RBM33: variants seen among roughly 807,000 people sequenced by gnomAD.
RBM33 encodes the protein RNA-binding protein 33.
A neutral mutation model predicts 132.6 loss-of-function variants in RBM33; 28 were observed. The ratio of observed to expected loss-of-function variants is 0.21; its 90% CI spans 0.16 to 0.29. The LOEUF (loss-of-function observed/expected upper bound fraction) is 0.29. RBM33 is among the 10% of genes least tolerant of loss of function. RBM33 has a pLI of 1.00. For synonymous variants in RBM33, 634 were observed against 593.0 expected, an observed-to-expected ratio of 1.07 and a Z score of -1.01; for missense variants, 1,291 against 1,518.5, an observed-to-expected ratio of 0.85 and a Z score of 2.49.
intron 16 of RBM33, among the ~76,000 whole-genome samples, chr7:155,773,504 G>T (rs949375522): frequency 6.9e-6 from 1 of 144,176 alleles, no homozygotes; most frequent in African/African-American, 2.6e-5. Flanking sequence ...GGAGGTGGAG[G>T]TTGCAGTGAG....
chr7:155,740,607 G>A (rs947709267), intron 12 of RBM33, among the ~76,000 whole-genome samples: 1 of 152,248 alleles, frequency 6.6e-6, no homozygotes, highest in Non-Finnish European at 1.5e-5. Flanking sequence ...ATCAGCAAAT[G>A]TGTGACTTGT....
intron 13 of RBM33, among the ~76,000 whole-genome samples, chr7:155,742,700 A>AT (rs1801388814): frequency 6.6e-6 from 1 of 152,154 alleles, no homozygotes; most frequent in Non-Finnish European, 1.5e-5. Context: ...AAGTATGATG[A>AT]TATATGTTGT....
intron 14 of RBM33, among the ~76,000 whole-genome samples, chr7:155,756,320 A>G (rs2117054692): frequency 6.6e-6 from 1 of 152,356 alleles, no homozygotes; most frequent in Non-Finnish European, 1.5e-5. Flanking sequence ...TTATAAATAA[A>G]TGGGTAGATT....
intron 15 of RBM33, 83 bp downstream of exon 15, chr7:155,764,101 G>A (rs1366477796): frequency 1.5e-5 from 16 of 1,102,648 alleles, no homozygotes; most frequent in African/African-American, 3.2e-5. Flanking sequence ...AATTTGTAGC[G>A]CATGGCACAC....
At chr7:155,714,854 A>G (rs1800412876) in intron 8 of RBM33, among the ~76,000 whole-genome samples, 1 of 152,068 alleles carries the variant, frequency 6.6e-6, no homozygotes, top group Admixed American at 6.5e-5. Flanking sequence ...TACGTGGGTG[A>G]GAAGTATTAT....
At chr7:155,664,406 G>A (rs996102790) in intron 1 of RBM33, among the ~76,000 whole-genome samples, 2 of 151,508 alleles carry the variant, frequency 1.3e-5, no homozygotes, top group Admixed American at 6.6e-5. Flanking sequence ...GACTACGGAC[G>A]TGCACCTCCG....
At chr7:155,770,303 C>T (rs892952622) in intron 16 of RBM33, among the ~76,000 whole-genome samples, 5 of 152,226 alleles carry the variant, frequency 3.3e-5, no homozygotes, top group Non-Finnish European at 7.3e-5. Context: ...CCGCTGGAAT[C>T]GTGTGCAGGC....
chr7:155,767,339 C>T (rs2041742939), intron 16 of RBM33, among the ~76,000 whole-genome samples: 1 of 152,240 alleles, frequency 6.6e-6, no homozygotes, highest in Admixed American at 6.5e-5. Flanking sequence ...CCATTGTTGC[C>T]ATTGCCACGC....
rs756039779 is a variant in RBM33 at position 155,745,105 on chromosome 7, G to A, written c.2482G>A (p.Ala828Thr). The change falls in exon 14 of 18, where the codon GCG becomes ACG. Residue 828 changes from alanine (A) to threonine (T), a missense_variant. Around this residue, in one of 7 missense-constraint regions of RBM33, gnomAD observed 841 missense variants for 912.0 expected, o/e 0.92. Coordinates refer to ENST00000401878, the MANE Select transcript of RBM33 (RefSeq NM_053043.3). The surrounding 1 kb of genome is among the most constrained non-coding windows in gnomAD (Gnocchi z 4.1). Reference protein sequence around the residue: ...ARKKELLERLAQQQQQLYAPP... With the variant: ...ARKKELLERLTQQQQQLYAPP... ...GAAGAAGGAGCTGCTGGAGAGACTCGCGCAGCAACAGCAGCAGCTGTACGC... is the reference window on the plus strand; with the variant it reads ...GAAGAAGGAGCTGCTGGAGAGACTCACGCAGCAACAGCAGCAGCTGTACGC... 38 of 1,597,938 alleles carry A rather than the reference G, an allele frequency of 2.4e-5. No individual in the cohort carries two copies. The highest frequency in any genetic ancestry group is 3.1e-5 in the Non-Finnish European group (36 of 1,172,054).
At chr7:155,740,979 C>T (rs1184151550) in intron 12 of RBM33, among the ~76,000 whole-genome samples, 1 of 152,180 alleles carries the variant, frequency 6.6e-6, no homozygotes, top group East Asian at 1.9e-4. Flanking sequence ...TCTTTTCACC[C>T]TTGAGCTTCA....
At chr7:155,652,157 A>G (rs1330371911) in intron 1 of RBM33, among the ~76,000 whole-genome samples, 3 of 152,250 alleles carry the variant, frequency 2.0e-5, no homozygotes, top group Non-Finnish European at 2.9e-5. Flanking sequence ...GGAACATATT[A>G]TACATGAGTG....
chr7:155,698,568 A>C (rs193158016), intron 5 of RBM33, among the ~76,000 whole-genome samples: 8 of 152,300 alleles, frequency 5.3e-5, no homozygotes. Flanking sequence ...TTGTCAGGTT[A>C]GTTTCCCTAA....
At chr7:155,646,605 T>A (rs1798202796) in intron 1 of RBM33, among the ~76,000 whole-genome samples, 1 of 152,258 alleles carries the variant, frequency 6.6e-6, no homozygotes, top group Non-Finnish European at 1.5e-5. Flanking sequence ...TTGCCAGGGC[T>A]GACTCCTGAT....
At chr7:155,683,696 T>C (rs1799397800) in intron 5 of RBM33, among the ~76,000 whole-genome samples, 1 of 152,216 alleles carries the variant, frequency 6.6e-6, no homozygotes, top group African/African-American at 2.4e-5. Context: ...TTTGAAAATG[T>C]GTGCTCATTA....
intron 1 of RBM33, among the ~76,000 whole-genome samples, chr7:155,656,502 T>A (rs367601714): frequency 1.3e-5 from 2 of 152,170 alleles, no homozygotes; most frequent in African/African-American, 4.8e-5. Context: ...ACAAAGTACT[T>A]CTTTTTACAA....
chr7:155,760,659 G>T (rs1312358210), intron 14 of RBM33, among the ~76,000 whole-genome samples: 2 of 152,192 alleles, frequency 1.3e-5, no homozygotes, highest in Non-Finnish European at 1.5e-5. Context: ...AAAGATGAGG[G>T]TATGTGGTAT....
intron 16 of RBM33, among the ~76,000 whole-genome samples, chr7:155,770,514 C>T (rs758489233): frequency 4.0e-5 from 6 of 151,846 alleles, no homozygotes; most frequent in Non-Finnish European, 5.9e-5. Flanking sequence ...TAGGGTGGGG[C>T]TCAAGAATTT....
intron 1 of RBM33, among the ~76,000 whole-genome samples, chr7:155,656,895 C>T (rs1181121837): frequency 6.6e-6 from 1 of 152,004 alleles, no homozygotes; most frequent in Non-Finnish European, 1.5e-5. Flanking sequence ...AAGTTACATA[C>T]CATATATTAG....
At chr7:155,673,768 G>GCGCACACACACACA (rs1554469952) in intron 3 of RBM33, among the ~76,000 whole-genome samples, 3,328 of 132,918 alleles carry the variant, frequency 0.025, 118 homozygotes, top group Middle Eastern at 0.033. Context: ...GCGCATGCGC[G>GCGCACACACACACA]CACACACACA....
Sources: allele counts gnomAD v4.1 joint callset (sites outside exome capture counted in the v4.1 genomes callset), GRCh38; gene constraint gnomAD v4.1.1; regional missense constraint gnomAD v4.1.1; non-coding constraint Gnocchi (gnomAD v3.1); transcripts MANE v1.5; gene names NCBI Gene and HGNC (gene_info 2026-07-23, HGNC 2026-07-21).